Variants in TBCK observed in about 807,000 individuals in gnomAD.
TBCK encodes the protein TBC domain-containing protein kinase-like protein.
TBCK carries 99 observed loss-of-function variants against 113.4 expected under a neutral mutation model. The observed-to-expected ratio is 0.87, with a 90% CI of 0.74 to 1.03. The LOEUF (loss-of-function observed/expected upper bound fraction) is 1.03, where lower values mean the gene tolerates loss of function less well. Ranked by LOEUF, TBCK falls within the 50% of genes least tolerant of loss-of-function variation. The pLI, the probability that TBCK is intolerant of heterozygous loss-of-function variation, is 0.00. For synonymous variants in TBCK, 369 were observed against 370.8 expected, an observed-to-expected ratio of 1.00 and a Z score of 0.05; for missense variants, 1,045 against 1,061.3, an observed-to-expected ratio of 0.98 and a Z score of 0.21.
intron 10 of TBCK, among the ~76,000 whole-genome samples, chr4:106,246,426 A>G (rs1760819420): frequency 6.6e-6 from 1 of 152,200 alleles, no homozygotes; most frequent in African/African-American, 2.4e-5. Context: ...CAAGAATTAA[A>G]AGTCTAAAAG....
rs1759335944 is a variant in TBCK, at chr4:106,235,359, T to C, written c.1359A>G (p.Pro453=). 1.9e-6 allele frequency: 3 copies of C among 1,601,558 alleles called. No homozygotes were observed. Among genetic ancestry groups the C allele is most frequent in the Non-Finnish European group, 2.6e-6 (3 of 1,173,232 alleles). The change falls in exon 15 of 26, where the codon CCA becomes CCG. Residue 453 remains proline (P), a synonymous_variant. Coordinates refer to ENST00000394708, the MANE Select transcript of TBCK (RefSeq NM_001163435.3). ...CTTTCCAGATTTGGTTTTTTTTATA[T>C]GGATAAGCCTATGATATCAAAAAAG... ...ILFDRLLKAY[P]YKKNQIWKEA...
At chr4:106,092,816 G>A (rs1365970960) in intron 25 of TBCK, among the ~76,000 whole-genome samples, 1 of 152,176 alleles carries the variant, frequency 6.6e-6, no homozygotes, top group Non-Finnish European at 1.5e-5. Flanking sequence ...CTCCAGCCTC[G>A]GCCATCCCAG....
intron 25 of TBCK, among the ~76,000 whole-genome samples, chr4:106,056,734 C>T (rs550709055): frequency 6.6e-6 from 1 of 151,696 alleles, no homozygotes; most frequent in East Asian, 1.9e-4. Flanking sequence ...CAGTATCATA[C>T]AGAGATTTCT....
rs138178375 is a variant in TBCK at position 106,141,258 on chromosome 4, G to C, written c.2236-24880C>G. 7.8e-5 allele frequency among the ~76,000 whole-genome samples: 11 copies of C among 140,270 alleles called. 2 individuals are homozygous for C. The highest frequency in any genetic ancestry group is 1.5e-4 in the Non-Finnish European group (9 of 61,790). 92.0% of individuals were successfully genotyped at this position (140,270 alleles called of 152,430 possible). On this transcript the variant is annotated intron_variant, in intron 23 of 25. Coordinates refer to ENST00000394708, the MANE Select transcript of TBCK (RefSeq NM_001163435.3). The stretch of plus-strand genomic sequence containing the variant: ...AATTATAATTTGTAGATGATAAATA[G>C]AAAATTTGAATCAAATGAAAAATAA...
At chr4:106,179,221 T>G (rs1050213679) in intron 22 of TBCK, among the ~76,000 whole-genome samples, 5 of 152,064 alleles carry the variant, frequency 3.3e-5, no homozygotes, top group Admixed American at 1.3e-4. Flanking sequence ...TCTTTTGTAT[T>G]GTTTTCTTAG....
chr4:106,102,224 G>A (rs1741641168), intron 24 of TBCK, among the ~76,000 whole-genome samples: 1 of 152,176 alleles, frequency 6.6e-6, no homozygotes, highest in South Asian at 2.1e-4. Flanking sequence ...TTGTCTTCAT[G>A]TCCTTCAGCT....
intron 23 of TBCK, among the ~76,000 whole-genome samples, chr4:106,120,937 T>TC (rs1744268718): frequency 6.6e-6 from 1 of 152,102 alleles, no homozygotes; most frequent in South Asian, 2.1e-4. Context: ...ACGCAGTTCC[T>TC]CACCAGCAAC....
intron 3 of TBCK, among the ~76,000 whole-genome samples, chr4:106,280,294 A>G (rs1011237434): frequency 5.9e-5 from 9 of 152,138 alleles, no homozygotes; most frequent in Admixed American, 5.9e-4. Flanking sequence ...ATTTTTTCCT[A>G]TAAAGTTATT....
intron 17 of TBCK, among the ~76,000 whole-genome samples, chr4:106,232,166 T>C (rs181541994): frequency 5.1e-4 from 77 of 151,934 alleles, no homozygotes; most frequent in Non-Finnish European, 1.6e-4. Context: ...TTGTTTTTCT[T>C]TGGGATTATG....
intron 18 of TBCK, among the ~76,000 whole-genome samples, chr4:106,230,817 C>T (rs184338836): frequency 4.0e-5 from 6 of 151,832 alleles, no homozygotes; most frequent in Admixed American, 3.3e-4. Context: ...CAAGAGTCTA[C>T]GAACTATGGA....
Position 106,185,324 on chromosome 4 carries a change from G to A in TBCK, c.2059+8285C>T, listed in dbSNP as rs186149902. Among the ~76,000 whole-genome samples the A allele has an allele frequency of 1.5e-3, 233 of 152,070 alleles. 4 individuals carry two copies. Among genetic ancestry groups the A allele is most frequent in the Admixed American group, 8.8e-3 (135 of 15,256 alleles). ...ATGTGTATGTGTCCATATGTCTAGTGTATGTGTGTGGTAAGAACACAACAT... is the reference window on the plus strand; with the variant it reads ...ATGTGTATGTGTCCATATGTCTAGTATATGTGTGTGGTAAGAACACAACAT... On this transcript the variant is annotated intron_variant, in intron 22 of 25. Transcript: ENST00000394708.
chr4:106,074,011 C>T (rs923422095), intron 25 of TBCK, among the ~76,000 whole-genome samples: 18 of 152,324 alleles, frequency 1.2e-4, no homozygotes, highest in African/African-American at 3.4e-4. Flanking sequence ...TTTCCTGGTA[C>T]GGTCTGTCAT....
At chr4:106,215,398 C>G (rs921909399) in intron 19 of TBCK, among the ~76,000 whole-genome samples, 18 of 151,962 alleles carry the variant, frequency 1.2e-4, no homozygotes, top group Admixed American at 6.6e-4. Flanking sequence ...ACTAAAGGCT[C>G]CAGTTAAAAG....
At chr4:106,072,787 GTTCGT>G (rs1464897461) in intron 25 of TBCK, among the ~76,000 whole-genome samples, 1 of 152,146 alleles carries the variant, frequency 6.6e-6, no homozygotes, top group African/African-American at 2.4e-5. Context: ...TGGAGGCTTT[GTTCGT>G]TTCTTTTTAT....
At chr4:106,248,394 T>C in intron 8 of TBCK, 88 bp from the exon 9 acceptor site, 1 of 1,005,184 alleles carries the variant, frequency 9.9e-7, no homozygotes, top group Non-Finnish European at 1.4e-6. Context: ...TAGAAGTTTT[T>C]GATGTTTTTA....
At chr4:106,165,632 A>AT (rs1266028065) in intron 23 of TBCK, among the ~76,000 whole-genome samples, 3 of 151,796 alleles carry the variant, frequency 2.0e-5, no homozygotes, top group Non-Finnish European at 4.4e-5. Context: ...AGTAAAAAAA[A>AT]TTAACTGTTA....
At chr4:106,224,923 C>A (rs1458062836) in intron 19 of TBCK, among the ~76,000 whole-genome samples, 1 of 152,148 alleles carries the variant, frequency 6.6e-6, no homozygotes, top group Non-Finnish European at 1.5e-5. Flanking sequence ...CTACCACACA[C>A]AAGAAAATTG....
At chr4:106,205,838 A>G (rs1755439257) in intron 20 of TBCK, among the ~76,000 whole-genome samples, 1 of 151,746 alleles carries the variant, frequency 6.6e-6, no homozygotes, top group Non-Finnish European at 1.5e-5. Context: ...CTGAGAAACT[A>G]TTAACGTGTC....
At chr4:106,084,372 G>C (rs28897193) in intron 25 of TBCK, among the ~76,000 whole-genome samples, 48,919 of 151,946 alleles carry the variant, frequency 0.32, 8,080 homozygotes, top group African/African-American at 0.37. Context: ...ATAAGACACA[G>C]AGACAAGTAT....
Sources: gnomAD v4.1 joint callset for allele counts (sites outside exome capture counted in the v4.1 genomes callset) on GRCh38, gnomAD v4.1.1 for gene constraint, MANE v1.5 for transcripts, NCBI Gene and HGNC (gene_info 2026-07-23, HGNC 2026-07-21) for gene names.